SYNDIG1: variants seen among roughly 807,000 people sequenced by gnomAD.
The protein encoded by SYNDIG1 is synapse differentiation inducing 1, also known as synapse differentiation-inducing gene protein 1.
Under a neutral mutation model 19.4 loss-of-function variants are expected in SYNDIG1, and 9 were observed. That is an observed-to-expected ratio of 0.46 (90% CI 0.28 to 0.81). The LOEUF is 0.81. Among genes scored for constraint, SYNDIG1 ranks in the 30% least tolerant of loss-of-function variants. The probability of loss-of-function intolerance (pLI) is 0.12; values close to 1 mark genes in which losing one functional copy is unlikely to be tolerated. For missense variants in SYNDIG1, 311 were observed against 343.3 expected, an observed-to-expected ratio of 0.91 and a Z score of 0.74; for synonymous variants, 141 against 145.9, an observed-to-expected ratio of 0.97 and a Z score of 0.24.
chr20:24,483,262 G>T (rs1217948932), intron 1 of SYNDIG1, among the ~76,000 whole-genome samples: 2 of 152,188 alleles, frequency 1.3e-5, no homozygotes, highest in Non-Finnish European at 2.9e-5. Flanking sequence ...GTGTGCATGT[G>T]TGGAAGGGAC....
chr20:24,484,211 C>T (rs566985635), intron 1 of SYNDIG1, among the ~76,000 whole-genome samples: 6 of 151,984 alleles, frequency 3.9e-5, no homozygotes, highest in Admixed American at 6.6e-5. Context: ...TTGGAGGGGT[C>T]GGCTGGGCGT....
chr20:24,576,825 G>A (rs1203476158), intron 2 of SYNDIG1, among the ~76,000 whole-genome samples: 1 of 152,090 alleles, frequency 6.6e-6, no homozygotes, highest in African/African-American at 2.4e-5. Flanking sequence ...CGTCCGTAAG[G>A]ATTCCTAAAT....
At chr20:24,517,309 A>T (rs1050422619) in intron 1 of SYNDIG1, among the ~76,000 whole-genome samples, 2 of 149,188 alleles carry the variant, frequency 1.3e-5, no homozygotes, top group East Asian at 1.9e-4. Flanking sequence ...ATAAAAAAAA[A>T]AATAAATAAA....
At chr20:24,483,524 T>C (rs888558345) in intron 1 of SYNDIG1, among the ~76,000 whole-genome samples, 4 of 152,208 alleles carry the variant, frequency 2.6e-5, no homozygotes, top group Admixed American at 1.3e-4. Flanking sequence ...TCAGCCAGTG[T>C]TTGCTCTTCC....
intron 2 of SYNDIG1, among the ~76,000 whole-genome samples, chr20:24,572,374 T>C (rs2058158162): frequency 6.6e-6 from 1 of 152,252 alleles, no homozygotes; most frequent in African/African-American, 2.4e-5. Flanking sequence ...GGGAGGCTCC[T>C]GGAATCACCT....
chr20:24,648,705 T>A (rs2059442726), intron 3 of SYNDIG1, among the ~76,000 whole-genome samples: 1 of 152,202 alleles, frequency 6.6e-6, no homozygotes, highest in African/African-American at 2.4e-5. Context: ...AAGCAACCCA[T>A]CTTCTTAGAA....
chr20:24,527,419 A>G (rs1253985790), intron 1 of SYNDIG1, among the ~76,000 whole-genome samples: 1 of 152,066 alleles, frequency 6.6e-6, no homozygotes, highest in Non-Finnish European at 1.5e-5. Context: ...TTATGTAAGT[A>G]TTTCATGAAC....
At chr20:24,517,745 ATGTG>A (rs374171218) in intron 1 of SYNDIG1, among the ~76,000 whole-genome samples, 1 of 140,374 alleles carries the variant, frequency 7.1e-6, no homozygotes. Flanking sequence ...ATATATGTGT[ATGTG>A]TGTGTGTGTG....
intron 2 of SYNDIG1, among the ~76,000 whole-genome samples, chr20:24,572,366 G>A (rs2058157918): frequency 6.6e-6 from 1 of 152,256 alleles, no homozygotes; most frequent in African/African-American, 2.4e-5. Flanking sequence ...GACTGGGCGG[G>A]AGGCTCCTGG....
At chr20:24,480,145 T>G (rs1265558516) in intron 1 of SYNDIG1, among the ~76,000 whole-genome samples, 1 of 152,208 alleles carries the variant, frequency 6.6e-6, no homozygotes, top group East Asian at 1.9e-4. Flanking sequence ...TCCTCCAAGT[T>G]TGGCATCCCC....
At chr20:24,610,880 G>T (rs2058836494) in intron 3 of SYNDIG1, among the ~76,000 whole-genome samples, 1 of 152,160 alleles carries the variant, frequency 6.6e-6, no homozygotes, top group East Asian at 1.9e-4. Flanking sequence ...CCTTTGCCTT[G>T]TCAAGAAGGG....
chr20:24,584,657 C>G (rs1032992527), intron 2 of SYNDIG1, among the ~76,000 whole-genome samples, 199 bp from the exon 3 acceptor site: 2 of 152,234 alleles, frequency 1.3e-5, no homozygotes, highest in African/African-American at 2.4e-5. Flanking sequence ...TCTTGGCAAG[C>G]ATTTCCTTGG....
intron 2 of SYNDIG1, among the ~76,000 whole-genome samples, chr20:24,574,779 T>C (rs73905114): frequency 0.031 from 4,728 of 152,300 alleles, 174 homozygotes; most frequent in African/African-American, 0.09. Flanking sequence ...CACCATTACC[T>C]TCACAAAGAC....
intron 1 of SYNDIG1, among the ~76,000 whole-genome samples, chr20:24,494,649 C>T (rs973165846): frequency 3.9e-5 from 6 of 152,116 alleles, no homozygotes; most frequent in Admixed American, 1.3e-4. Context: ...GGAGGGTGGG[C>T]AGGACTGGAG....
At chr20:24,597,476 C>T (rs1023074564) in intron 3 of SYNDIG1, among the ~76,000 whole-genome samples, 1 of 152,078 alleles carries the variant, frequency 6.6e-6, no homozygotes, top group African/African-American at 2.4e-5. Flanking sequence ...GAGGGGGCTG[C>T]ATTTACACAG....
chr20:24,494,787 C>T (rs1250195907), intron 1 of SYNDIG1, among the ~76,000 whole-genome samples: 1 of 152,190 alleles, frequency 6.6e-6, no homozygotes, highest in South Asian at 2.1e-4. Flanking sequence ...GTGACAGGCA[C>T]CTCCAGCCTT....
chr20:24,493,037 G>A (rs538660642), intron 1 of SYNDIG1, among the ~76,000 whole-genome samples: 1 of 152,288 alleles, frequency 6.6e-6, no homozygotes, highest in South Asian at 2.1e-4. Context: ...GAAATTCAAG[G>A]CCATCAAAAT....
At chr20:24,505,172 C>T (rs1025431969) in intron 1 of SYNDIG1, among the ~76,000 whole-genome samples, 4 of 152,006 alleles carry the variant, frequency 2.6e-5, no homozygotes, top group East Asian at 3.9e-4. Flanking sequence ...TAGGTGGCAC[C>T]GCGGGCTACA....
intron 2 of SYNDIG1, among the ~76,000 whole-genome samples, chr20:24,556,252 T>C (rs2057814467): frequency 6.6e-6 from 1 of 152,222 alleles, no homozygotes; most frequent in South Asian, 2.1e-4. Context: ...GTCTTGACTC[T>C]TTATCCAATT....
Sources: allele counts gnomAD v4.1 joint callset (sites outside exome capture counted in the v4.1 genomes callset), GRCh38; gene constraint gnomAD v4.1.1; transcripts MANE v1.5; gene names NCBI Gene and HGNC (gene_info 2026-07-23, HGNC 2026-07-21).